TBL1X: variants seen among roughly 807,000 people sequenced by gnomAD.
TBL1X encodes the protein F-box-like/WD repeat-containing protein TBL1X.
A neutral mutation model predicts 50.7 loss-of-function variants in TBL1X; 10 were observed. The ratio of observed to expected loss-of-function variants is 0.20; its 90% CI spans 0.12 to 0.33. The LOEUF is 0.33. Ranked by LOEUF, TBL1X falls within the 10% of genes least tolerant of loss-of-function variation. TBL1X has a pLI of 1.00. For missense variants in TBL1X, 340 were observed against 504.4 expected (o/e 0.67, Z 3.12); for synonymous variants, 190 against 214.7 (o/e 0.88, Z 1.01).
intron 1 of TBL1X, among the ~76,000 whole-genome samples, chrX:9,469,567 C>T (rs1289476074): frequency 3.6e-5 from 4 of 112,347 alleles, no homozygotes; most frequent in African/African-American, 1.3e-4. Context: ...TTGTTTTTTT[C>T]CTTATCTTTT....
chrX:9,512,839 C>T (rs1284848785), intron 2 of TBL1X, among the ~76,000 whole-genome samples: 5 of 111,693 alleles, frequency 4.5e-5, no homozygotes, highest in East Asian at 2.8e-4. Context: ...GTGCCTTTCC[C>T]GTGAGTCTTT....
chrX:9,542,608 C>T (rs1431034919), intron 2 of TBL1X, among the ~76,000 whole-genome samples: 1 of 111,074 alleles, frequency 9.0e-6, no homozygotes, highest in Non-Finnish European at 1.9e-5. Flanking sequence ...GGAGCAGGAG[C>T]GGGCAGCGTT....
chrX:9,541,380 C>A (rs1007486708), intron 2 of TBL1X, among the ~76,000 whole-genome samples: 1 of 111,104 alleles, frequency 9.0e-6, no homozygotes, highest in Non-Finnish European at 1.9e-5. Context: ...TGGATTTAGC[C>A]AACAACAAAC....
chrX:9,719,346 C>T lies in TBL1X; in HGVS notation c.*3100C>T, dbSNP rs1479480079. On this transcript the variant is annotated 3_prime_UTR_variant, in exon 18 of 18. Coordinates refer to ENST00000645353, the MANE Select transcript of TBL1X (RefSeq NM_005647.4). ...AGATCATGGAGCCAAGTGAAGTGCA[C>T]TTTGTCAAATGTAAGGGTCTGCTTT... The T allele has an allele frequency of 8.9e-6, 1 of 111,802 alleles. No individual in the cohort carries two copies. Among genetic ancestry groups the T allele is most frequent in the Non-Finnish European group, 1.9e-5 (1 of 53,123 alleles). The allele number at this position is 111,802 out of a possible 1,213,427, so 9.2% of individuals were successfully genotyped here.
intron 2 of TBL1X, among the ~76,000 whole-genome samples, chrX:9,620,037 A>C (rs1301594129): frequency 8.9e-6 from 1 of 112,250 alleles, no homozygotes. Flanking sequence ...GCTCTACATT[A>C]TGGTGCTATT....
At chrX:9,691,740 A>G (rs1601842851) in intron 8 of TBL1X, 29 bp downstream of exon 8, 7 of 1,203,582 alleles carry the variant, frequency 5.8e-6, no homozygotes, top group Non-Finnish European at 7.9e-6. Context: ...GGGGCGCTCC[A>G]GAGTTGGGGA....
intron 5 of TBL1X, among the ~76,000 whole-genome samples, chrX:9,665,791 C>G (rs2082927536): frequency 9.3e-6 from 1 of 107,074 alleles, no homozygotes; most frequent in African/African-American, 3.4e-5. Flanking sequence ...GGCTAGATCC[C>G]TCTCAAAATC....
intron 2 of TBL1X, among the ~76,000 whole-genome samples, chrX:9,520,225 T>G (rs1266079279): frequency 8.9e-6 from 1 of 112,309 alleles, no homozygotes; most frequent in Non-Finnish European, 1.9e-5. Context: ...CAAATCCCAC[T>G]TACACTGCAG....
chrX:9,557,096 A>C (rs2082304551), intron 2 of TBL1X, among the ~76,000 whole-genome samples: 1 of 112,003 alleles, frequency 8.9e-6, no homozygotes, highest in African/African-American at 3.2e-5. Flanking sequence ...GGTTTCTGGG[A>C]ATCAGGATGT....
chrX:9,682,131 C>G (rs182852239), intron 5 of TBL1X, among the ~76,000 whole-genome samples: 64 of 112,659 alleles, frequency 5.7e-4, no homozygotes, highest in African/African-American at 1.9e-3. Context: ...GCAGGTAAAA[C>G]TCTGTATAGC....
At chrX:9,596,592 A>G (rs1044337897) in intron 2 of TBL1X, among the ~76,000 whole-genome samples, 1 of 111,393 alleles carries the variant, frequency 9.0e-6, no homozygotes. Flanking sequence ...TGATGCACCC[A>G]GTAGAAGCAC....
chrX:9,666,363 G>A (rs778868037), intron 5 of TBL1X, among the ~76,000 whole-genome samples: 3 of 111,207 alleles, frequency 2.7e-5, no homozygotes, highest in Admixed American at 9.6e-5. Flanking sequence ...ATTTATATGT[G>A]TTGTGTGTGT....
chrX:9,671,623 G>A (rs764048202), intron 5 of TBL1X, among the ~76,000 whole-genome samples: 1 of 112,848 alleles, frequency 8.9e-6, no homozygotes, highest in Non-Finnish European at 1.9e-5. Flanking sequence ...CTTTCATATA[G>A]AAAAGAATAG....
chrX:9,488,302 C>T (rs1308672312), intron 1 of TBL1X, among the ~76,000 whole-genome samples: 1 of 112,450 alleles, frequency 8.9e-6, no homozygotes, highest in Non-Finnish European at 1.9e-5. Context: ...CAAGGTTTAG[C>T]AGAGCCACAA....
intron 2 of TBL1X, among the ~76,000 whole-genome samples, chrX:9,548,086 G>A (rs1286952327): frequency 4.6e-5 from 5 of 108,499 alleles, no homozygotes; most frequent in African/African-American, 6.7e-5. Context: ...AGATTCTCTT[G>A]TCGTTAGGAT....
Position 9,688,159 on chromosome X carries a change from C to T in TBL1X, c.500C>T (p.Ala167Val), listed in dbSNP as rs771622916. The change falls in exon 7 of 18, where the codon GCG becomes GTG. Residue 167 changes from alanine to valine, a missense_variant. Physicochemically the swap from Ala to Val is moderately conservative, Grantham distance 64. Transcript: ENST00000645353. ...GCCAGTGCGGCGGCGGCGGCGGCTG[C>T]GGCCACGGCAGCAGCGACAGCAGCC... The part of the protein sequence containing the change: ...QQASAAAAAA[A>V]ATAAATAATT... 7 of 1,195,903 alleles carry T rather than the reference C, an allele frequency of 5.9e-6. No homozygotes were observed. In the South Asian group the frequency reaches 7.2e-5, roughly 12 times the overall value.
At chrX:9,656,598 A>C (rs1308975310) in intron 5 of TBL1X, among the ~76,000 whole-genome samples, 1 of 112,970 alleles carries the variant, frequency 8.9e-6, no homozygotes, top group African/African-American at 3.2e-5. Context: ...GACCTTGGCA[A>C]ATGTCAACTT....
intron 5 of TBL1X, 25 bp from the exon 6 acceptor site, chrX:9,684,018 C>T (rs775177007): frequency 1.2e-5 from 15 of 1,209,835 alleles, no homozygotes; most frequent in Non-Finnish European, 1.7e-5. Context: ...TCTCACTCAA[C>T]CTCAGCTTTC....
intron 2 of TBL1X, among the ~76,000 whole-genome samples, chrX:9,559,423 G>A (rs762345834): frequency 2.1e-4 from 23 of 111,159 alleles, no homozygotes; most frequent in Non-Finnish European, 3.6e-4. Context: ...GTTCTGGTGT[G>A]TTAGTGTCAT....
Sources: gnomAD v4.1 joint callset for allele counts (sites outside exome capture counted in the v4.1 genomes callset) on GRCh38, gnomAD v4.1.1 for gene constraint, MANE v1.5 for transcripts, NCBI Gene and HGNC (gene_info 2026-07-23, HGNC 2026-07-21) for gene names.